The following SPRING1 variants were observed in gnomAD, a reference collection of about 807,000 sequenced individuals.
SPRING1 encodes SREBF pathway regulator in golgi 1.
In SPRING1, 14 loss-of-function variants were observed where a neutral mutation model predicts 24.7. The observed-to-expected ratio is 0.57, with a 90% confidence interval of 0.37 to 0.88. The LOEUF (loss-of-function observed/expected upper bound fraction) is 0.88. SPRING1 is among the 40% of genes least tolerant of loss of function. The pLI, the probability that SPRING1 is intolerant of heterozygous loss-of-function variation, is 0.00. For missense variants in SPRING1, 255 were observed against 268.4 expected, an observed-to-expected ratio of 0.95 and a Z score of 0.35; for synonymous variants, 93 against 106.1, an observed-to-expected ratio of 0.88 and a Z score of 0.76.
chr12:116,734,799 T>C (rs1019901249), intron 1 of SPRING1, among the ~76,000 whole-genome samples: 1 of 152,252 alleles, frequency 6.6e-6, no homozygotes, highest in East Asian at 1.9e-4. Context: ...TCACCAGGTA[T>C]GGTCTGAAGC....
chr12:116,725,219 G>A (rs1286985834), intron 1 of SPRING1, among the ~76,000 whole-genome samples: 1 of 152,120 alleles, frequency 6.6e-6, no homozygotes, highest in Non-Finnish European at 1.5e-5. Context: ...GTTTTAAATT[G>A]AGCACTGTTC....
chr12:116,720,203 T>C lies in SPRING1; in HGVS notation c.420+93A>G. The C allele has an allele frequency of 7.0e-7, 1 of 1,426,156 alleles. No homozygotes were observed. 88.3% of individuals were successfully genotyped at this position (1,426,156 alleles called of 1,614,324 possible). On this transcript the variant is annotated intron_variant, in intron 3 of 4. Transcript: ENST00000261318. This position sits in a 1 kb window ranked among gnomAD's most constrained non-coding sequence, Gnocchi z 4.0. Reference sequence around the variant, plus strand: ...CAAAGCTCCTTTCTAAGTTTTATTTTCAGAGGAATCTCACATGAAGAGCCT... The same window carrying C: ...CAAAGCTCCTTTCTAAGTTTTATTTCCAGAGGAATCTCACATGAAGAGCCT...
rs1869904601 is a variant in SPRING1 at position 116,712,280 on chromosome 12, A to G, written c.*5530T>C. The G allele has an allele frequency of 6.6e-6, 1 of 152,222 alleles. No homozygotes were observed. The highest frequency in any genetic ancestry group is 6.5e-5 in the Admixed American group (1 of 15,284). The allele number at this position is 152,222 out of a possible 1,614,324, so 9.4% of individuals were successfully genotyped here. ...CAACATCAGGGACTGAGTCGTACAC[A>G]GGAAGATCACTGAGTAGGTTCTGTG... On this transcript the variant is annotated 3_prime_UTR_variant, in exon 5 of 5. Coordinates refer to ENST00000261318, the MANE Select transcript of SPRING1 (RefSeq NM_024738.4).
intron 1 of SPRING1, among the ~76,000 whole-genome samples, chr12:116,727,649 T>C (rs556594358): frequency 1.2e-4 from 19 of 152,332 alleles, no homozygotes; most frequent in African/African-American, 4.6e-4. Context: ...AGCCTGATAA[T>C]GGAAATTTTT....
At chr12:116,730,146 C>T (rs1272219969) in intron 1 of SPRING1, among the ~76,000 whole-genome samples, 1 of 152,008 alleles carries the variant, frequency 6.6e-6, no homozygotes, top group Middle Eastern at 3.2e-3. Flanking sequence ...ATGATCCACC[C>T]GCCTCGGCCT....
Position 116,717,729 on chromosome 12 carries a change from C to G in SPRING1, c.*81G>C, listed in dbSNP as rs928743561. 7.9e-6 allele frequency: 10 copies of G among 1,267,610 alleles called. No individual in the cohort carries two copies. In the African/African-American group the frequency reaches 9.0e-5, roughly 11 times the overall value. 78.5% of individuals were successfully genotyped at this position (1,267,610 alleles called of 1,614,324 possible). On this transcript the variant is annotated 3_prime_UTR_variant, in exon 5 of 5. Coordinates refer to ENST00000261318, the MANE Select transcript of SPRING1 (RefSeq NM_024738.4). The surrounding 1 kb of genome is among the most constrained non-coding windows in gnomAD (Gnocchi z 4.2). ...TTTGTCTTCTTCCTGCAGCCTGGCC[C>G]GATGGCTGAAGCTGGGTCCCAGGAG...
chr12:116,722,923 G>T, intron 2 of SPRING1, 144 bp downstream of exon 2: 1 of 1,072,850 alleles, frequency 9.3e-7, no homozygotes, highest in Non-Finnish European at 1.3e-6. Flanking sequence ...GTAGGGTATA[G>T]AAGACAAAAA....
chr12:116,723,256 A>G, intron 1 of SPRING1, 33 bp from the exon 2 acceptor site: 1 of 1,608,518 alleles, frequency 6.2e-7, no homozygotes, highest in South Asian at 1.1e-5. Flanking sequence ...AAGGTTAAGT[A>G]TCCAGTATCC....
chr12:116,734,238 T>C (rs1033121079), intron 1 of SPRING1, among the ~76,000 whole-genome samples: 1 of 152,176 alleles, frequency 6.6e-6, no homozygotes, highest in African/African-American at 2.4e-5. Context: ...TCTATTTAGA[T>C]CCACAAATAC....
intron 1 of SPRING1, among the ~76,000 whole-genome samples, chr12:116,725,422 A>G (rs1249448382): frequency 6.6e-6 from 1 of 152,216 alleles, no homozygotes; most frequent in African/African-American, 2.4e-5. Flanking sequence ...ATAAGGGGGA[A>G]CTACTATACT....
chr12:116,736,795 A>G (rs1166583557), intron 1 of SPRING1, among the ~76,000 whole-genome samples: 3 of 152,024 alleles, frequency 2.0e-5, no homozygotes, highest in East Asian at 3.9e-4. Flanking sequence ...AAATTCTCAC[A>G]TGGAAGAAAA....
rs752217115 is a variant in SPRING1 at position 116,717,773 on chromosome 12, C to A, written c.*37G>T. On this transcript the variant is annotated 3_prime_UTR_variant, in exon 5 of 5. Coordinates refer to ENST00000261318, the MANE Select transcript of SPRING1 (RefSeq NM_024738.4). The surrounding 1 kb of genome is among the most constrained non-coding windows in gnomAD (Gnocchi z 4.2). ...CCAGGAGGCGAGTTCTTCAGCGGGG[C>A]CTCCTCACCCAGGCTGGAGCAAGTC... 1.4e-5 allele frequency: 22 copies of A among 1,533,482 alleles called. No individual in the cohort carries two copies. In the South Asian group the frequency reaches 2.1e-4, roughly 15 times the overall value. The allele number at this position is 1,533,482 out of a possible 1,614,324, so 95.0% of individuals were successfully genotyped here.
In SPRING1 at chr12:116,728,786, G is replaced by C. The variant is rs1870830249; in HGVS notation, c.112-5563C>G. Among the ~76,000 whole-genome samples the C allele has an allele frequency of 6.6e-6, 1 of 152,204 alleles. No homozygotes were observed. On this transcript the variant is annotated intron_variant, in intron 1 of 4. Transcript: ENST00000261318. This position sits in a 1 kb window ranked among gnomAD's most constrained non-coding sequence, Gnocchi z 4.2. ...CCAACTCCCTCAAGGCCCACAGCTA[G>C]GGAGTGGAAGACCACCCAAACTGAG...
At chr12:116,734,636 G>GGTCT (rs1332924855) in intron 1 of SPRING1, among the ~76,000 whole-genome samples, 1 of 152,140 alleles carries the variant, frequency 6.6e-6, no homozygotes, top group Non-Finnish European at 1.5e-5. Flanking sequence ...AGACAGACAA[G>GGTCT]GTCTCTGTTC....
At position 116,714,794 on chromosome 12, in the gene SPRING1, C is replaced by CAAAAAA. The variant is rs869130716; in HGVS notation, c.*3010_*3015dup. On this transcript the variant is annotated 3_prime_UTR_variant, in exon 5 of 5. Transcript: ENST00000261318. Reference sequence around the variant, plus strand: ...TGAGCAACAGAGCAAGACTCCATCGCAAAAAAAAAAAAAAAAAAAAAAGGC... The same window carrying CAAAAAA: ...TGAGCAACAGAGCAAGACTCCATCGCAAAAAAAAAAAAAAAAAAAAAAAAAAAAGGC... The CAAAAAA allele has an allele frequency of 1.8e-5, 1 of 55,132 alleles. No individual in the cohort carries two copies. The highest frequency in any genetic ancestry group is 3.2e-5 in the Non-Finnish European group (1 of 31,058). The allele number at this position is 55,132 out of a possible 1,614,324, so 3.4% of individuals were successfully genotyped here. A position where few individuals can be genotyped will look rare whatever the true frequency, so the allele number is the denominator to read the frequency against.
chr12:116,718,230 A>G (rs1433162992), intron 4 of SPRING1, among the ~76,000 whole-genome samples: 1 of 152,230 alleles, frequency 6.6e-6, no homozygotes, highest in African/African-American at 2.4e-5. Context: ...CTAAGATCCA[A>G]TGGGTGTTTT....
intron 2 of SPRING1, among the ~76,000 whole-genome samples, chr12:116,722,191 C>G (rs1870469787): frequency 6.6e-6 from 1 of 152,152 alleles, no homozygotes; most frequent in African/African-American, 2.4e-5. Flanking sequence ...CTTACTTCAC[C>G]CATACTCATG....
At chr12:116,723,506 T>C (rs374130578) in intron 1 of SPRING1, among the ~76,000 whole-genome samples, 1 of 152,230 alleles carries the variant, frequency 6.6e-6, no homozygotes, top group East Asian at 1.9e-4. Flanking sequence ...GTTAATTTTA[T>C]GAAAAAATTG....
In SPRING1 at chr12:116,715,307, G is replaced by A. The variant is rs555167038; in HGVS notation, c.*2503C>T. 3.3e-5 allele frequency: 5 copies of A among 152,172 alleles called. No homozygotes were observed. In the South Asian group the frequency reaches 8.3e-4, roughly 25 times the overall value. 9.4% of individuals were successfully genotyped at this position (152,172 alleles called of 1,614,324 possible). ...ACTCCCAAGGTGTATCACACACTTC[G>A]CTGGGCTCTGGGCAAACAAAACTTA... is the stretch of plus-strand genomic sequence containing the variant. On this transcript the variant is annotated 3_prime_UTR_variant, in exon 5 of 5. Transcript: ENST00000261318.
Sources: allele counts gnomAD v4.1 joint callset (sites outside exome capture counted in the v4.1 genomes callset), GRCh38; gene constraint gnomAD v4.1.1; non-coding constraint Gnocchi (gnomAD v3.1); transcripts MANE v1.5; gene names NCBI Gene and HGNC (gene_info 2026-07-23, HGNC 2026-07-21).